AURKA: variants seen among roughly 807,000 people sequenced by gnomAD.
AURKA encodes aurora kinase A, also known as aurora 2.
A neutral mutation model predicts 40.9 loss-of-function variants in AURKA; 12 were observed. The ratio of observed to expected loss-of-function variants is 0.29; its 90% confidence interval spans 0.19 to 0.48. AURKA has a LOEUF of 0.48. Among genes scored for constraint, AURKA ranks in the 20% least tolerant of loss-of-function variants. AURKA has a pLI of 0.99. For missense variants in AURKA, 322 were observed against 462.1 expected (o/e 0.70, Z 2.78); for synonymous variants, 170 against 164.3 (o/e 1.03, Z -0.26).
rs947198530 is a variant in AURKA, at chr20:56,369,768, A to C, written c.*390T>G. 54 of 416,178 alleles carry C rather than the reference A, an allele frequency of 1.3e-4. 1 individual carries two copies. In the Admixed American group the frequency reaches 1.4e-3, roughly 11 times the overall value. The allele number at this position is 416,178 out of a possible 1,614,324, so 25.8% of individuals were successfully genotyped here. A position where few individuals can be genotyped will look rare whatever the true frequency, so the allele number is the denominator to read the frequency against. ...CAATAAGTTACACACTCACTCAGGT[A>C]CTAGGAAGGTTATTGCACAGCTCCT... On this transcript the variant is annotated 3_prime_UTR_variant, in exon 9 of 9. Coordinates refer to ENST00000395915, the MANE Select transcript of AURKA (RefSeq NM_198437.3).
At chr20:56,391,716 G>T (rs1987153247) in intron 1 of AURKA, among the ~76,000 whole-genome samples, 1 of 151,958 alleles carries the variant, frequency 6.6e-6, no homozygotes, top group Non-Finnish European at 1.5e-5. Context: ...TCTATCTAAA[G>T]CGGCCCCCGT....
intron 3 of AURKA, 152 bp from the exon 4 acceptor site, chr20:56,384,476 A>G: frequency 1.5e-6 from 1 of 650,596 alleles, no homozygotes; most frequent in South Asian, 1.9e-5. Context: ...TTTTCCTTAT[A>G]GAAAAAAAGG....
chr20:56,375,307 C>CTT lies in AURKA; in HGVS notation c.706-1753_706-1752dup, dbSNP rs59071872. ...CATGCCCAGCTAATTTTTAATCTTT[C>CTT]TTTTTTTTTTTTTTTTTTTTGTAGA... On this transcript the variant is annotated intron_variant, in intron 6 of 8. Coordinates refer to ENST00000395915, the MANE Select transcript of AURKA (RefSeq NM_198437.3). 7.7e-4 allele frequency among the ~76,000 whole-genome samples: 101 copies of CTT among 131,856 alleles called. 1 individual carries two copies. The highest frequency in any genetic ancestry group is 8.1e-3 in the Middle Eastern group (2 of 248). 86.5% of individuals were successfully genotyped at this position (131,856 alleles called of 152,430 possible). A position where few individuals can be genotyped will look rare whatever the true frequency, so the allele number is the denominator to read the frequency against.
chr20:56,384,150 A>T, intron 4 of AURKA, 120 bp downstream of exon 4: 1 of 711,850 alleles, frequency 1.4e-6, no homozygotes, highest in Non-Finnish European at 2.3e-6. Context: ...GGAAACATTT[A>T]TATCCTCTAA....
intron 6 of AURKA, among the ~76,000 whole-genome samples, chr20:56,377,925 A>G (rs867970651): frequency 6.6e-6 from 1 of 152,198 alleles, no homozygotes; most frequent in Admixed American, 6.5e-5. Flanking sequence ...TGTAATCCCA[A>G]TATTTTGGGA....
chr20:56,383,356 C>T (rs1035524349), intron 4 of AURKA, among the ~76,000 whole-genome samples, 180 bp from the exon 5 acceptor site: 2 of 152,218 alleles, frequency 1.3e-5, no homozygotes, highest in East Asian at 1.9e-4. Flanking sequence ...GAAACCCTGA[C>T]GTCCCTAGCT....
intron 6 of AURKA, among the ~76,000 whole-genome samples, chr20:56,377,220 T>G (rs1022570595): frequency 3.9e-5 from 6 of 152,070 alleles, no homozygotes; most frequent in African/African-American, 1.2e-4. Context: ...GAGGCTGCAG[T>G]GAGCAGAGAT....
chr20:56,370,147 C>A lies in AURKA; in HGVS notation c.*11G>T. ...AGCCCTGGCTCAAGGATTTCTCCCC[C>A]TGCACGATTCCTAAGACTGTTTGCT... On this transcript the variant is annotated 3_prime_UTR_variant, in exon 9 of 9. Transcript: ENST00000395915. 1 of 1,612,242 alleles carries A rather than the reference C, an allele frequency of 6.2e-7. No homozygotes were observed. Among genetic ancestry groups the A allele is most frequent in the Admixed American group, 1.7e-5 (1 of 60,022 alleles).
chr20:56,376,499 T>C (rs1984939683), intron 6 of AURKA, among the ~76,000 whole-genome samples: 1 of 152,150 alleles, frequency 6.6e-6, no homozygotes, highest in Non-Finnish European at 1.5e-5. Flanking sequence ...GTAGCATGAT[T>C]TCATCAGATA....
At chr20:56,383,970 A>G (rs750779832) in intron 4 of AURKA, among the ~76,000 whole-genome samples, 9 of 152,256 alleles carry the variant, frequency 5.9e-5, no homozygotes, top group Non-Finnish European at 7.3e-5. Flanking sequence ...GTACAGACGC[A>G]TAAACCATAT....
intron 4 of AURKA, among the ~76,000 whole-genome samples, chr20:56,383,440 C>T (rs1415129540): frequency 6.6e-6 from 1 of 152,142 alleles, no homozygotes; most frequent in Non-Finnish European, 1.5e-5. Flanking sequence ...GGGAAATGTC[C>T]CAAGCCCGTA....
Position 56,370,511 on chromosome 20 carries a change from G to A in AURKA, c.1003C>T (p.Gln335Ter). Reference sequence around the variant, plus strand: ...CGTGATATTCTTTTGTAGGTCTCTTGGTATGTGTTTGCCTCAAAAGGAGGC... The same window carrying A: ...CGTGATATTCTTTTGTAGGTCTCTTAGTATGTGTTTGCCTCAAAAGGAGGC... ...GKPPFEANTY[Q>*]ETYKRISRVE... is the part of the protein sequence containing the mutation. The change falls in exon 8 of 9, where the codon CAA (glutamine) becomes TAA (stop). Residue 335 changes from glutamine (Q) to a stop codon, truncating the protein, a stop_gained. Transcript: ENST00000395915. LOFTEE classifies it high-confidence loss of function. The A allele has an allele frequency of 2.5e-6, 4 of 1,614,128 alleles. No individual in the cohort carries two copies. The highest frequency in any genetic ancestry group is 1.1e-5 in the South Asian group (1 of 91,080).
chr20:56,386,369 C>T lies in AURKA; in HGVS notation c.207G>A (p.Lys69=). ...LQAQKLVSSH[K]PVQNQKQKQL... is the part of the protein sequence containing the mutation. Reference sequence around the variant, plus strand: ...GCTTCTGCTTCTGATTCTGAACCGGCTTGTGACTGGAGACAAGCTTTTGTG... The same window carrying T: ...GCTTCTGCTTCTGATTCTGAACCGGTTTGTGACTGGAGACAAGCTTTTGTG... The change falls in exon 3 of 9, where the codon AAG becomes AAA. Residue 69 remains lysine (K), a synonymous_variant. Transcript: ENST00000395915. 1 of 1,614,176 alleles carries T rather than the reference C, an allele frequency of 6.2e-7. No individual in the cohort carries two copies. Among genetic ancestry groups the T allele is most frequent in the Non-Finnish European group, 8.5e-7 (1 of 1,180,036 alleles).
chr20:56,378,222 C>T (rs890973888), intron 6 of AURKA, among the ~76,000 whole-genome samples: 1 of 152,022 alleles, frequency 6.6e-6, no homozygotes, highest in Non-Finnish European at 1.5e-5. Flanking sequence ...GCAAGAGGAC[C>T]TCAATTCATT....
chr20:56,389,834 T>A (rs1414119603), intron 1 of AURKA, among the ~76,000 whole-genome samples: 1 of 152,240 alleles, frequency 6.6e-6, no homozygotes, highest in South Asian at 2.1e-4. Context: ...AAACCCTTCA[T>A]TTAATCCACC....
rs973598273 is a variant in AURKA at position 56,370,766 on chromosome 20, A to G, written c.855-107T>C. ...TAACACTGAGGTCTTCCCCTGGGCC[A>G]GATCCTGTGCCCTAGGAAGTAGCTA... is the stretch of plus-strand genomic sequence containing the variant. On this transcript the variant is annotated intron_variant, in intron 7 of 8. Transcript: ENST00000395915. 10 of 1,229,496 alleles carry G rather than the reference A, an allele frequency of 8.1e-6. No homozygotes were observed. In the East Asian group the frequency reaches 2.2e-4, roughly 28 times the overall value. 76.2% of individuals were successfully genotyped at this position (1,229,496 alleles called of 1,614,324 possible).
chr20:56,381,962 A>G (rs1985765173), intron 5 of AURKA, among the ~76,000 whole-genome samples: 1 of 152,086 alleles, frequency 6.6e-6, no homozygotes, highest in African/African-American at 2.4e-5. Flanking sequence ...TCAGGAGTTC[A>G]AGACCAGCCT....
chr20:56,383,844 C>A (rs1312714852), intron 4 of AURKA, among the ~76,000 whole-genome samples: 1 of 152,206 alleles, frequency 6.6e-6, no homozygotes, highest in Non-Finnish European at 1.5e-5. Context: ...TTACAGCCAA[C>A]CTTTACAATA....
At chr20:56,384,044 C>T (rs886215276) in intron 4 of AURKA, among the ~76,000 whole-genome samples, 4 of 152,146 alleles carry the variant, frequency 2.6e-5, no homozygotes, top group Non-Finnish European at 5.9e-5. Context: ...TTCATACAAG[C>T]TTTTTCTAAA....
Sources: gnomAD v4.1 joint callset for allele counts (sites outside exome capture counted in the v4.1 genomes callset) on GRCh38, gnomAD v4.1.1 for gene constraint, MANE v1.5 for transcripts, NCBI Gene and HGNC (gene_info 2026-07-23, HGNC 2026-07-21) for gene names.